NRXN1: variants seen among roughly 807,000 people sequenced by gnomAD.
NRXN1 encodes the protein neurexin-1.
In NRXN1, 39 loss-of-function variants were observed where a neutral mutation model predicts 150.9. The ratio of observed to expected loss-of-function variants is 0.26; its 90% confidence interval spans 0.20 to 0.34. The LOEUF (loss-of-function observed/expected upper bound fraction) is 0.34, where lower values mean the gene tolerates loss of function less well. Among genes scored for constraint, NRXN1 ranks in the 10% least tolerant of loss-of-function variants. The pLI, the probability that NRXN1 is intolerant of heterozygous loss-of-function variation, is 1.00. For synonymous variants in NRXN1, 924 were observed against 757.0 expected, an observed-to-expected ratio of 1.22 and a Z score of -3.62; for missense variants, 1,815 against 1,949.9, an observed-to-expected ratio of 0.93 and a Z score of 1.30.
intron 2 of NRXN1, among the ~76,000 whole-genome samples, chr2:50,986,778 T>A (rs1303672969): frequency 6.6e-6 from 1 of 151,454 alleles, no homozygotes; most frequent in African/African-American, 2.4e-5. Flanking sequence ...CTATCAAATA[T>A]CCAAAACATA....
intron 17 of NRXN1, among the ~76,000 whole-genome samples, chr2:50,268,137 CA>C (rs1202628417): frequency 6.6e-6 from 1 of 152,102 alleles, no homozygotes; most frequent in Non-Finnish European, 1.5e-5. Flanking sequence ...TTGCAGTGAG[CA>C]GAGATTGTGC....
At chr2:50,975,767 C>A (rs760354895) in intron 2 of NRXN1, among the ~76,000 whole-genome samples, 2 of 152,010 alleles carry the variant, frequency 1.3e-5, no homozygotes, top group Non-Finnish European at 2.9e-5. Context: ...CTTTCATAGG[C>A]CTGAGGATTC....
Position 50,033,517 on chromosome 2 carries a change from A to G in NRXN1, c.4128+19754T>C, listed in dbSNP as rs535175679. On this transcript the variant is annotated intron_variant, in intron 21 of 22. Transcript: ENST00000401669. ...ACTTAAATGTAAAACCCCAAACTAC[A>G]AAAACCCTGGAAGACAACCTATGCA... is the stretch of plus-strand genomic sequence containing the variant. Among the ~76,000 whole-genome samples, 65 of 152,252 alleles carry G rather than the reference A, an allele frequency of 4.3e-4. 1 individual carries two copies. In the South Asian group the frequency reaches 0.013, roughly 30 times the overall value.
chr2:50,994,511 T>C (rs1454886734), intron 2 of NRXN1, among the ~76,000 whole-genome samples: 1 of 151,994 alleles, frequency 6.6e-6, no homozygotes, highest in Admixed American at 6.6e-5. Flanking sequence ...GAACAGAATG[T>C]ACATGCCAAG....
intron 5 of NRXN1, among the ~76,000 whole-genome samples, chr2:50,640,032 T>C (rs991439025): frequency 8.5e-5 from 13 of 152,190 alleles, no homozygotes; most frequent in African/African-American, 3.1e-4. Flanking sequence ...TAGCAAATGC[T>C]AACAATTACC....
intron 5 of NRXN1, among the ~76,000 whole-genome samples, chr2:50,708,842 G>A (rs527845705): frequency 1.3e-5 from 2 of 152,232 alleles, no homozygotes; most frequent in South Asian, 2.1e-4. Flanking sequence ...GGGTGACAGT[G>A]AAGAAACCCT....
chr2:50,184,869 A>G (rs1203110214), intron 18 of NRXN1, among the ~76,000 whole-genome samples: 1 of 152,108 alleles, frequency 6.6e-6, no homozygotes, highest in African/African-American at 2.4e-5. Context: ...CGAGTCATGC[A>G]GGGATTAAGT....
intron 18 of NRXN1, 67 bp downstream of exon 18, chr2:50,236,722 T>A (rs557438248): frequency 6.7e-7 from 1 of 1,496,408 alleles, no homozygotes; most frequent in African/African-American, 1.4e-5. Flanking sequence ...AGAAGCAAAA[T>A]TATAAATTCT....
chr2:49,944,698 A>G (rs1390127366), intron 21 of NRXN1, among the ~76,000 whole-genome samples: 1 of 152,202 alleles, frequency 6.6e-6, no homozygotes, highest in Non-Finnish European at 1.5e-5. Flanking sequence ...GGCTTCCATC[A>G]GAGTTGGCTC....
chr2:51,015,831 G>A lies in NRXN1; in HGVS notation c.772+11671C>T, dbSNP rs529743354. 1.8e-4 allele frequency among the ~76,000 whole-genome samples: 27 copies of A among 151,782 alleles called. No homozygotes were observed. In the East Asian group the frequency reaches 5.3e-3, roughly 30 times the overall value. On this transcript the variant is annotated intron_variant, in intron 2 of 22. Transcript: ENST00000401669. ...GTAATGATATTAACTGAAAAATGGA[G>A]CACGTTTTTAAACTTACAAGTTACC...
At chr2:50,943,087 T>G (rs1689739966) in intron 2 of NRXN1, among the ~76,000 whole-genome samples, 1 of 152,030 alleles carries the variant, frequency 6.6e-6, no homozygotes, top group Non-Finnish European at 1.5e-5. Context: ...GTGGCTCTTC[T>G]CCTTTGTGCT....
chr2:50,498,377 A>G (rs1271958684), intron 13 of NRXN1, among the ~76,000 whole-genome samples: 1 of 152,116 alleles, frequency 6.6e-6, no homozygotes, highest in Admixed American at 6.6e-5. Flanking sequence ...TTCTTCACCT[A>G]TGCCTTTTTT....
intron 17 of NRXN1, among the ~76,000 whole-genome samples, chr2:50,352,323 C>G (rs143260905): frequency 6.6e-6 from 1 of 152,174 alleles, no homozygotes; most frequent in African/African-American, 2.4e-5. Context: ...AAAAATCAAC[C>G]TTTTTGTCTC....
intron 5 of NRXN1, among the ~76,000 whole-genome samples, chr2:50,756,493 G>T (rs998227329): frequency 3.3e-5 from 5 of 151,806 alleles, no homozygotes; most frequent in Admixed American, 2.0e-4. Flanking sequence ...TGCTTATCAA[G>T]AACTTGCAAA....
chr2:50,083,876 A>G (rs988222296), intron 19 of NRXN1, among the ~76,000 whole-genome samples: 1 of 152,128 alleles, frequency 6.6e-6, no homozygotes, highest in East Asian at 1.9e-4. Flanking sequence ...TGTATTCACA[A>G]TCCCTTAGGT....
At chr2:50,604,814 T>C (rs1676838940) in intron 8 of NRXN1, among the ~76,000 whole-genome samples, 1 of 152,226 alleles carries the variant, frequency 6.6e-6, no homozygotes. Context: ...GGTTATAGAA[T>C]ACCTACTATG....
At chr2:49,991,751 T>C (rs1322689730) in intron 21 of NRXN1, among the ~76,000 whole-genome samples, 1 of 152,184 alleles carries the variant, frequency 6.6e-6, no homozygotes, top group Non-Finnish European at 1.5e-5. Context: ...TTCTAAAGTT[T>C]ATATGGAGAG....
chr2:50,620,081 T>C lies in NRXN1; in HGVS notation c.1261A>G (p.Ser421Gly). The C allele has an allele frequency of 6.2e-7, 1 of 1,613,296 alleles. No homozygotes were observed. The highest frequency in any genetic ancestry group is 1.3e-5 in the African/African-American group (1 of 75,010). Reference sequence around the variant, plus strand: ...GGTGACCCTGGAAGGTCGGCTGTGCTGGGACTGCCTCCAACATAGAAAAAG... The same window carrying C: ...GGTGACCCTGGAAGGTCGGCTGTGCCGGGACTGCCTCCAACATAGAAAAAG... ...DDFFYVGGSP[S>G]TADLPGSPVS... Residue 421 changes from serine to glycine, a missense_variant, in exon 8 of 23, where the codon AGC becomes GGC. Transcript: ENST00000401669.
chr2:50,931,210 A>G (rs564827010), intron 2 of NRXN1, among the ~76,000 whole-genome samples: 1 of 152,288 alleles, frequency 6.6e-6, no homozygotes, highest in South Asian at 2.1e-4. Flanking sequence ...GTCTACTGGT[A>G]TATAAATTTT....
Sources: allele counts gnomAD v4.1 joint callset (sites outside exome capture counted in the v4.1 genomes callset), GRCh38; gene constraint gnomAD v4.1.1; transcripts MANE v1.5; gene names NCBI Gene and HGNC (gene_info 2026-07-23, HGNC 2026-07-21).